Variants in NAALADL2 observed in about 807,000 individuals in gnomAD.
NAALADL2 encodes inactive N-acetylated-alpha-linked acidic dipeptidase-like protein 2.
NAALADL2 carries 76 observed loss-of-function variants against 87.2 expected under a neutral mutation model. The observed-to-expected ratio is 0.87, with a 90% CI of 0.72 to 1.05. NAALADL2 has a LOEUF of 1.05. Ranked by LOEUF, NAALADL2 falls within the 50% of genes least tolerant of loss-of-function variation. The pLI, the probability that NAALADL2 is intolerant of heterozygous loss-of-function variation, is 0.00. For missense variants in NAALADL2, 1,089 were observed against 945.8 expected (o/e 1.15, Z -1.99); for synonymous variants, 354 against 331.0 (o/e 1.07, Z -0.75).
At chr3:175,402,159 T>C (rs16825633) in intron 5 of NAALADL2, among the ~76,000 whole-genome samples, 3,884 of 152,174 alleles carry the variant, frequency 0.026, 148 homozygotes, top group African/African-American at 0.089. Context: ...ATGTGTATTA[T>C]GGGGCACTGA....
intron 3 of NAALADL2, among the ~76,000 whole-genome samples, chr3:174,849,746 A>T (rs1262976177): frequency 3.3e-5 from 5 of 151,264 alleles, no homozygotes; most frequent in African/African-American, 1.2e-4. Flanking sequence ...AAAAAAAAAA[A>T]AAAAAAAAAA....
At position 175,322,589 on chromosome 3, in the gene NAALADL2, T is replaced by C. The variant is rs1760049350; in HGVS notation, c.940-1586T>C. Among the ~76,000 whole-genome samples, 2 of 110,608 alleles carry C rather than the reference T, an allele frequency of 1.8e-5. 1 individual carries two copies. The highest frequency in any genetic ancestry group is 1.7e-4 in the Admixed American group (2 of 11,630). 72.6% of individuals were successfully genotyped at this position (110,608 alleles called of 152,430 possible). On this transcript the variant is annotated intron_variant, in intron 4 of 13. Transcript: ENST00000454872. ...GGAGAAAATTTTCGCAACCCACTCATCTGACAAAGGGCTAATATCCAGAAT... is the reference window on the plus strand; with the variant it reads ...GGAGAAAATTTTCGCAACCCACTCACCTGACAAAGGGCTAATATCCAGAAT...
intron 1 of NAALADL2, among the ~76,000 whole-genome samples, chr3:174,501,241 G>A (rs13325313): frequency 0.2 from 30,014 of 148,466 alleles, 3,610 homozygotes; most frequent in Middle Eastern, 0.28. Context: ...ACTACGCCCG[G>A]CTAATTTTTT....
intron 3 of NAALADL2, among the ~76,000 whole-genome samples, chr3:174,778,843 G>A (rs182222697): frequency 1.3e-5 from 2 of 152,262 alleles, no homozygotes; most frequent in East Asian, 1.9e-4. Flanking sequence ...ATTCCATGGT[G>A]TATATGTGCC....
chr3:175,180,385 C>T (rs1039116895), intron 2 of NAALADL2, among the ~76,000 whole-genome samples: 2 of 151,886 alleles, frequency 1.3e-5, no homozygotes, highest in African/African-American at 4.8e-5. Context: ...CCCAACACCA[C>T]CTTTATATTG....
chr3:174,760,615 G>A (rs905569760), intron 3 of NAALADL2, among the ~76,000 whole-genome samples: 6 of 152,300 alleles, frequency 3.9e-5, no homozygotes, highest in Middle Eastern at 6.8e-3. Context: ...CAGGAAGGCA[G>A]GTCTCTACTG....
chr3:175,099,802 G>T (rs535831501), intron 2 of NAALADL2, among the ~76,000 whole-genome samples: 4 of 152,110 alleles, frequency 2.6e-5, no homozygotes, highest in African/African-American at 9.6e-5. Context: ...ATAGACTGCA[G>T]ACTCTATAAG....
chr3:174,762,029 C>G (rs1713044002), intron 3 of NAALADL2, among the ~76,000 whole-genome samples: 1 of 152,016 alleles, frequency 6.6e-6, no homozygotes, highest in East Asian at 1.9e-4. Context: ...CTGGTATGTT[C>G]AATGTCATGC....
chr3:175,482,406 C>A (rs71629259), intron 9 of NAALADL2, among the ~76,000 whole-genome samples: 1 of 27,988 alleles, frequency 3.6e-5, no homozygotes, highest in Non-Finnish European at 1.4e-4. Flanking sequence ...TCATCAAAAG[C>A]TTTTTAAGTA....
chr3:175,541,237 T>G (rs2149469132), intron 9 of NAALADL2, among the ~76,000 whole-genome samples: 1 of 152,356 alleles, frequency 6.6e-6, no homozygotes, highest in South Asian at 2.1e-4. Flanking sequence ...TTTTAACTGA[T>G]TTTACTTCTT....
chr3:175,066,000 G>A (rs1038459068), intron 1 of NAALADL2, among the ~76,000 whole-genome samples: 2 of 152,080 alleles, frequency 1.3e-5, no homozygotes, highest in East Asian at 1.9e-4. Flanking sequence ...GATGTATAAC[G>A]GGAACAGTGT....
chr3:174,876,285 G>GA lies in NAALADL2; in HGVS notation c.43+16841dup, dbSNP rs1173358067. Among the ~76,000 whole-genome samples the GA allele has an allele frequency of 3.3e-5, 5 of 152,140 alleles. No individual in the cohort carries two copies. In the East Asian group the frequency reaches 5.8e-4, roughly 18 times the overall value. ...GCAAAACAGAGAGACAGGACCCGTT[G>GA]AAAAAACCATGAAGCTGTTGATATT... On this transcript the variant is annotated intron_variant, in intron 1 of 13. Coordinates refer to ENST00000454872, the MANE Select transcript of NAALADL2 (RefSeq NM_207015.3).
At position 175,471,761 on chromosome 3, in the gene NAALADL2, A is replaced by G; in HGVS notation, c.1653+3A>G. On this transcript the variant is annotated splice_donor_region_variant and intron_variant, in intron 9 of 13. Transcript: ENST00000454872. The stretch of plus-strand genomic sequence containing the variant: ...CTCTTCAGCAACTGGTAGTAGAGGT[A>G]AGACAAACCACTATTGTATCAAATG... The G allele has an allele frequency of 6.3e-7, 1 of 1,598,518 alleles. No individual in the cohort carries two copies. Among genetic ancestry groups the G allele is most frequent in the Non-Finnish European group, 8.5e-7 (1 of 1,174,322 alleles).
chr3:174,931,148 A>G (rs985655973), intron 1 of NAALADL2, among the ~76,000 whole-genome samples: 1 of 152,164 alleles, frequency 6.6e-6, no homozygotes, highest in African/African-American at 2.4e-5. Flanking sequence ...TATTGACTAT[A>G]AAGCCATGCC....
chr3:175,787,541 A>G (rs901456667), intron 13 of NAALADL2, among the ~76,000 whole-genome samples: 8 of 152,118 alleles, frequency 5.3e-5, no homozygotes, highest in Non-Finnish European at 8.8e-5. Flanking sequence ...GCGCTTCCCA[A>G]GTGAGGCAAT....
At chr3:174,717,650 A>G (rs561346107) in intron 2 of NAALADL2, among the ~76,000 whole-genome samples, 1 of 152,280 alleles carries the variant, frequency 6.6e-6, no homozygotes, top group African/African-American at 2.4e-5. Flanking sequence ...TATTTCATGT[A>G]TCATTAGCAA....
chr3:174,893,057 G>A (rs1238804333), intron 1 of NAALADL2, among the ~76,000 whole-genome samples: 2 of 152,020 alleles, frequency 1.3e-5, no homozygotes, highest in Non-Finnish European at 2.9e-5. Flanking sequence ...AGCAGCAAGA[G>A]AAGAGAAACA....
At chr3:174,855,878 A>G (rs1394996582), upstream of NAALADL2, among the ~76,000 whole-genome samples, 2 of 141,392 alleles carry the variant, frequency 1.4e-5, no homozygotes, top group South Asian at 4.2e-4. Flanking sequence ...GTATATATAC[A>G]TACATATGAA....
At chr3:174,752,629 A>C (rs1313967988) in intron 3 of NAALADL2, among the ~76,000 whole-genome samples, 2 of 149,246 alleles carry the variant, frequency 1.3e-5, no homozygotes, top group Non-Finnish European at 3.0e-5. Flanking sequence ...TTTCTTCTTA[A>C]CTCCTTTTCT....
Sources: gnomAD v4.1 joint callset for allele counts (sites outside exome capture counted in the v4.1 genomes callset) on GRCh38, gnomAD v4.1.1 for gene constraint, MANE v1.5 for transcripts, NCBI Gene and HGNC (gene_info 2026-07-23, HGNC 2026-07-21) for gene names.